CACNA1E: variants seen among roughly 807,000 people sequenced by gnomAD.
CACNA1E encodes the protein voltage-dependent R-type calcium channel subunit alpha-1E.
Under a neutral mutation model 259.2 loss-of-function variants are expected in CACNA1E, and 40 were observed. That is an observed-to-expected ratio of 0.15 (90% CI 0.12 to 0.20). CACNA1E has a LOEUF of 0.20. CACNA1E is among the 10% of genes least tolerant of loss of function. CACNA1E has a pLI of 1.00. For missense variants in CACNA1E, 1,874 were observed against 3,040.1 expected, an observed-to-expected ratio of 0.62 and a Z score of 9.02; for synonymous variants, 1,104 against 1,138.5, an observed-to-expected ratio of 0.97 and a Z score of 0.61.
intron 3 of CACNA1E, among the ~76,000 whole-genome samples, chr1:181,560,258 T>A (rs918412927): frequency 6.7e-6 from 1 of 148,582 alleles, no homozygotes; most frequent in Non-Finnish European, 1.5e-5. Context: ...GTGTGTGTGA[T>A]TATAAGGAAT....
intron 3 of CACNA1E, among the ~76,000 whole-genome samples, chr1:181,575,349 T>C (rs1215551771): frequency 6.6e-6 from 1 of 152,192 alleles, no homozygotes; most frequent in Non-Finnish European, 1.5e-5. Context: ...GTGAGACCCC[T>C]GCAACAAATG....
Position 181,448,590 on chromosome 1 carries a change from C to T in CACNA1E, c.434+35010C>T, listed in dbSNP as rs958536083. Among the ~76,000 whole-genome samples, 8 of 152,176 alleles carry T rather than the reference C, an allele frequency of 5.3e-5. No homozygotes were observed. In the South Asian group the frequency reaches 6.2e-4, roughly 12 times the overall value. Reference sequence around the variant, plus strand: ...TAGTCTGTTTGAAGTCTGAGTTTGACGTAGATAGATTACTCATTTCCCCTA... The same window carrying T: ...TAGTCTGTTTGAAGTCTGAGTTTGATGTAGATAGATTACTCATTTCCCCTA... On this transcript the variant is annotated intron_variant, in intron 2 of 11. Coordinates refer to the CACNA1E transcript ENST00000524607.
chr1:181,796,881 T>C (rs1661857335), intron 47 of CACNA1E, 23 bp downstream of exon 47: 1 of 1,540,370 alleles, frequency 6.5e-7, no homozygotes, highest in Non-Finnish European at 8.8e-7. Flanking sequence ...AGGAAGCCAG[T>C]CTACAGCAGA....
chr1:181,439,976 G>A lies in CACNA1E; in HGVS notation c.434+26396G>A, dbSNP rs116786066. Among the ~76,000 whole-genome samples the A allele has an allele frequency of 9.6e-3, 1,467 of 152,274 alleles. 27 individuals are homozygous for A. The highest frequency in any genetic ancestry group is 0.031 in the African/African-American group (1,269 of 41,552). On this transcript the variant is annotated intron_variant, in intron 2 of 11. Coordinates refer to the CACNA1E transcript ENST00000524607. ...CTCTAGATCAAGTGGTAAACAGAGC[G>A]TGGTATGTGGAGTACAATCCTTTCG...
At chr1:181,553,816 G>A (rs1471546784) in intron 3 of CACNA1E, among the ~76,000 whole-genome samples, 23 of 152,158 alleles carry the variant, frequency 1.5e-4, no homozygotes, top group Admixed American at 1.2e-3. Flanking sequence ...ATTCATTTGC[G>A]TATGTTGAAC....
At chr1:181,558,289 A>G (rs968605369) in intron 3 of CACNA1E, among the ~76,000 whole-genome samples, 1 of 152,140 alleles carries the variant, frequency 6.6e-6, no homozygotes, top group South Asian at 2.1e-4. Flanking sequence ...ATTTTCTAAG[A>G]TCATATCCAA....
At position 181,510,464 on chromosome 1, in the gene CACNA1E, T is replaced by C; in HGVS notation, c.267-13T>C. 6.2e-7 allele frequency: 1 copy of C among 1,602,008 alleles called. No individual in the cohort carries two copies. The highest frequency in any genetic ancestry group is 8.6e-7 in the Non-Finnish European group (1 of 1,169,008). ...CTCTCTGGTGAATTTGTTCCTTAAC[T>C]CCGCTTTCCCACGCCATTTGAGTAC... On this transcript the variant is annotated splice_polypyrimidine_tract_variant and intron_variant, in intron 1 of 47. Transcript: ENST00000367573.
intron 7 of CACNA1E, among the ~76,000 whole-genome samples, chr1:181,676,236 T>A (rs1411269322): frequency 6.6e-6 from 1 of 152,160 alleles, no homozygotes; most frequent in African/African-American, 2.4e-5. Flanking sequence ...ATACTCAAAT[T>A]GGAAATGCAC....
At chr1:181,439,944 C>T (rs1252401546) in intron 2 of CACNA1E, among the ~76,000 whole-genome samples, 2 of 152,130 alleles carry the variant, frequency 1.3e-5, no homozygotes, top group Non-Finnish European at 2.9e-5. Flanking sequence ...CCAAGATGGC[C>T]AGAAGGCTCT....
At chr1:181,554,577 T>C (rs2102856694) in intron 3 of CACNA1E, among the ~76,000 whole-genome samples, 1 of 152,324 alleles carries the variant, frequency 6.6e-6, no homozygotes, top group East Asian at 1.9e-4. Flanking sequence ...TAAGAAACAA[T>C]GCCAATAGTG....
chr1:181,367,656 A>G (rs1438521730), intron 1 of CACNA1E, among the ~76,000 whole-genome samples: 2 of 149,674 alleles, frequency 1.3e-5, no homozygotes, highest in Non-Finnish European at 3.0e-5. Context: ...ACTAATGAAT[A>G]ACTTCTAATT....
intron 1 of CACNA1E, among the ~76,000 whole-genome samples, chr1:181,489,236 C>CAG (rs913326556): frequency 1.6e-4 from 24 of 151,558 alleles, no homozygotes; most frequent in African/African-American, 5.6e-4. Context: ...TCCATTTATT[C>CAG]AGAGAGAGAG....
chr1:181,401,730 G>A (rs926355310), intron 1 of CACNA1E, among the ~76,000 whole-genome samples: 3 of 152,192 alleles, frequency 2.0e-5, no homozygotes, highest in Non-Finnish European at 4.4e-5. Context: ...GGATTTTTAT[G>A]TAGGAAACAT....
At chr1:181,791,902 C>G (rs1391015611) in intron 44 of CACNA1E, among the ~76,000 whole-genome samples, 2 of 152,214 alleles carry the variant, frequency 1.3e-5, no homozygotes, top group African/African-American at 2.4e-5. Flanking sequence ...GCGAAAAACA[C>G]TCAGTAGCTC....
intron 7 of CACNA1E, among the ~76,000 whole-genome samples, chr1:181,684,960 T>C (rs1650366314): frequency 6.6e-6 from 1 of 150,736 alleles, no homozygotes; most frequent in South Asian, 2.1e-4. Context: ...AGCCTTTGAA[T>C]TAAAGGAGTA....
intron 2 of CACNA1E, among the ~76,000 whole-genome samples, chr1:181,468,074 G>A (rs1473063201): frequency 6.6e-6 from 1 of 152,174 alleles, no homozygotes; most frequent in Non-Finnish European, 1.5e-5. Context: ...TAGAAGAAGA[G>A]GTTGATGTGT....
chr1:181,672,623 G>A (rs1648925783), intron 7 of CACNA1E, among the ~76,000 whole-genome samples: 1 of 152,214 alleles, frequency 6.6e-6, no homozygotes, highest in Non-Finnish European at 1.5e-5. Flanking sequence ...TGGCTCCAGA[G>A]AGGAAGGTCT....
At chr1:181,512,231 C>T (rs990801762) in intron 3 of CACNA1E, among the ~76,000 whole-genome samples, 5 of 152,176 alleles carry the variant, frequency 3.3e-5, no homozygotes, top group Non-Finnish European at 4.4e-5. Flanking sequence ...AATGTGTTGG[C>T]CTTGGGAATG....
intron 25 of CACNA1E, among the ~76,000 whole-genome samples, chr1:181,745,065 A>G (rs1211522475): frequency 3.9e-5 from 6 of 152,186 alleles, no homozygotes; most frequent in Admixed American, 6.5e-5. Flanking sequence ...GCCTACTACT[A>G]TATCATAGCT....
Sources: gnomAD v4.1 joint callset for allele counts (sites outside exome capture counted in the v4.1 genomes callset) on GRCh38, gnomAD v4.1.1 for gene constraint, MANE v1.5 for transcripts, NCBI Gene and HGNC (gene_info 2026-07-23, HGNC 2026-07-21) for gene names.